ABHD2: variants seen among roughly 807,000 people sequenced by gnomAD.
The protein encoded by ABHD2 is monoacylglycerol lipase ABHD2.
ABHD2 carries 20 observed loss-of-function variants against 48.1 expected under a neutral mutation model. The observed-to-expected ratio is 0.42, with a 90% confidence interval of 0.29 to 0.60. The LOEUF is 0.60. ABHD2 is among the 20% of genes least tolerant of loss of function. The pLI, the probability that ABHD2 is intolerant of heterozygous loss-of-function variation, is 0.24. For missense variants in ABHD2, 405 were observed against 550.9 expected, an observed-to-expected ratio of 0.74 and a Z score of 2.65; for synonymous variants, 209 against 214.2, an observed-to-expected ratio of 0.98 and a Z score of 0.21.
the ABHD2 span, among the ~76,000 whole-genome samples, chr15:89,071,317 AG>A: frequency 1.1e-4 from 16 of 152,284 alleles, no homozygotes; most frequent in South Asian, 2.3e-3. Context: ...GCTACTTGGG[AG>A]GCTGAGGCAG....
intron 4 of ABHD2, among the ~76,000 whole-genome samples, chr15:89,153,791 G>A (rs778835488): frequency 1.3e-5 from 2 of 152,018 alleles, no homozygotes; most frequent in Middle Eastern, 3.4e-3. Flanking sequence ...TATTATTAAC[G>A]TTTTGTTCCA....
intron 3 of ABHD2, chr15:89,135,798 C>T: frequency 1.2e-6 from 1 of 806,164 alleles, no homozygotes; most frequent in Non-Finnish European, 2.2e-6. Flanking sequence ...TTCTTTGCAA[C>T]ATCATTAGTG....
At position 89,116,737 on chromosome 15, in the gene ABHD2, T is replaced by C. The variant is rs2049967344; in HGVS notation, c.194+216T>C. Among the ~76,000 whole-genome samples the C allele has an allele frequency of 6.6e-6, 1 of 152,222 alleles. No individual in the cohort carries two copies. The highest frequency in any genetic ancestry group is 2.4e-5 in the African/African-American group (1 of 41,452). On this transcript the variant is annotated intron_variant, in intron 3 of 10. Transcript: ENST00000352732. This position sits in a 1 kb window ranked among gnomAD's most constrained non-coding sequence, Gnocchi z 4.6. The stretch of plus-strand genomic sequence containing the variant: ...CTGTTGCCTGAAACATTCCTTCCTC[T>C]ACAGTGTGATGTCATTATCCATGAC...
At chr15:89,143,882 A>G (rs559110788) in intron 3 of ABHD2, among the ~76,000 whole-genome samples, 15 of 152,124 alleles carry the variant, frequency 9.9e-5, no homozygotes, top group African/African-American at 3.1e-4. Context: ...GACAACAGCA[A>G]CTGTTGGTGA....
the ABHD2 span, among the ~76,000 whole-genome samples, chr15:89,047,058 A>C: frequency 1.3e-5 from 2 of 149,578 alleles, no homozygotes; most frequent in Non-Finnish European, 3.0e-5. Context: ...CCCTCTACAC[A>C]CTGCTTTGAA....
the ABHD2 span, among the ~76,000 whole-genome samples, chr15:89,049,243 C>G: frequency 2.0e-5 from 3 of 152,168 alleles, no homozygotes; most frequent in African/African-American, 2.4e-5. Context: ...GCAGTCTGCC[C>G]GTTCTCAGAT....
At position 89,177,850 on chromosome 15, in the gene ABHD2, T is replaced by G. The variant is rs1403976558; in HGVS notation, c.722+1855T>G. 3.3e-5 allele frequency among the ~76,000 whole-genome samples: 5 copies of G among 152,120 alleles called. No individual in the cohort carries two copies. The highest frequency in any genetic ancestry group is 1.5e-5 in the Non-Finnish European group (1 of 68,020). On this transcript the variant is annotated intron_variant, in intron 6 of 10. Transcript: ENST00000352732. The surrounding 1 kb of genome is among the most constrained non-coding windows in gnomAD (Gnocchi z 5.6). ...CAAGGGAGCAGAACTAGGACGTTTG[T>G]TTTGTTTTCTTTTTTTTCAATGCAC...
intron 5 of ABHD2, among the ~76,000 whole-genome samples, chr15:89,157,650 T>A (rs1158389804): frequency 6.6e-6 from 1 of 152,148 alleles, no homozygotes; most frequent in Non-Finnish European, 1.5e-5. Flanking sequence ...GAGACCATCC[T>A]GGCTAACATG....
chr15:89,049,610 C>T, the ABHD2 span, among the ~76,000 whole-genome samples: 5 of 152,332 alleles, frequency 3.3e-5, no homozygotes, highest in East Asian at 1.9e-4. Flanking sequence ...TTTTTAAGCC[C>T]GTCGGAAAAG....
Position 89,185,614 on chromosome 15 carries a change from A to G in ABHD2, c.815+98A>G. ...CAGGACTCCTGTTCCTTCAGGGGAA[A>G]AAAAAAAATGCAGGTGTGGTACAGA... On this transcript the variant is annotated intron_variant, in intron 7 of 10. Transcript: ENST00000352732. The surrounding 1 kb of genome is among the most constrained non-coding windows in gnomAD (Gnocchi z 5.9). The G allele has an allele frequency of 9.5e-7, 1 of 1,049,346 alleles. No homozygotes were observed. Among genetic ancestry groups the G allele is most frequent in the South Asian group, 1.4e-5 (1 of 72,652 alleles). The allele number at this position is 1,049,346 out of a possible 1,614,324, so 65.0% of individuals were successfully genotyped here.
intron 5 of ABHD2, among the ~76,000 whole-genome samples, chr15:89,172,792 C>T (rs1443138458): frequency 6.6e-6 from 1 of 152,172 alleles, no homozygotes; most frequent in African/African-American, 2.4e-5. Flanking sequence ...GTAACTTACC[C>T]AAGGTAACGG....
In ABHD2 at chr15:89,102,902, T is replaced by C. The variant is rs1567067509; in HGVS notation, c.-106-10823T>C. 6.6e-6 allele frequency among the ~76,000 whole-genome samples: 1 copy of C among 152,230 alleles called. No homozygotes were observed. Among genetic ancestry groups the C allele is most frequent in the South Asian group, 2.1e-4 (1 of 4,838 alleles). On this transcript the variant is annotated intron_variant, in intron 1 of 10. Coordinates refer to ENST00000352732, the MANE Select transcript of ABHD2 (RefSeq NM_152924.5). The surrounding 1 kb of genome is among the most constrained non-coding windows in gnomAD (Gnocchi z 4.8). ...CTAGGGGTGGCAGGTGGGATTGCCC[T>C]TGGGCTTTAAAGAAGGCTGAGAAAA...
chr15:89,104,346 T>C lies in ABHD2; in HGVS notation c.-106-9379T>C, dbSNP rs2049748629. ...CTCCTTTGGCAAAATCATCTGGGCT[T>C]GTTCTCATCCCTGCTGAATTGGCAG... is the stretch of plus-strand genomic sequence containing the variant. On this transcript the variant is annotated intron_variant, in intron 1 of 10. Coordinates refer to ENST00000352732, the MANE Select transcript of ABHD2 (RefSeq NM_152924.5). The surrounding 1 kb of genome is among the most constrained non-coding windows in gnomAD (Gnocchi z 4.4). 6.6e-6 allele frequency: 1 copy of C among 152,234 alleles called. No individual in the cohort carries two copies. The highest frequency in any genetic ancestry group is 2.4e-5 in the African/African-American group (1 of 41,458). 9.4% of individuals were successfully genotyped at this position (152,234 alleles called of 1,614,324 possible).
chr15:89,118,330 A>G (rs1426142159), intron 3 of ABHD2, among the ~76,000 whole-genome samples: 1 of 151,966 alleles, frequency 6.6e-6, no homozygotes, highest in Non-Finnish European at 1.5e-5. Context: ...ACTACGTGCC[A>G]CCACGCCCAG....
At chr15:89,135,615 C>G (rs2050296366) in intron 3 of ABHD2, 2 of 1,546,108 alleles carry the variant, frequency 1.3e-6, no homozygotes, top group African/African-American at 1.4e-5. Context: ...CCTCCTCTTC[C>G]TTCTTTTTCT....
At chr15:89,145,507 A>G (rs1007388225) in intron 3 of ABHD2, among the ~76,000 whole-genome samples, 1 of 152,174 alleles carries the variant, frequency 6.6e-6, no homozygotes, top group Non-Finnish European at 1.5e-5. Flanking sequence ...TGGGAACATG[A>G]TGGTTTAATG....
At chr15:89,075,285 A>G in the ABHD2 span, 6 of 152,196 alleles carry the variant, frequency 3.9e-5, no homozygotes, top group African/African-American at 1.2e-4. This position sits in a 1 kb window ranked among gnomAD's most constrained non-coding sequence, Gnocchi z 4.1. Context: ...CTTTGCATCT[A>G]CATCTATTAG....
rs1311092666 is a variant in ABHD2 at position 89,184,349 on chromosome 15, T to C, written c.723-1075T>C. 1.3e-5 allele frequency among the ~76,000 whole-genome samples: 2 copies of C among 152,136 alleles called. No individual in the cohort carries two copies. Among genetic ancestry groups the C allele is most frequent in the African/African-American group, 4.8e-5 (2 of 41,430 alleles). On this transcript the variant is annotated intron_variant, in intron 6 of 10. Coordinates refer to ENST00000352732, the MANE Select transcript of ABHD2 (RefSeq NM_152924.5). The surrounding 1 kb of genome is among the most constrained non-coding windows in gnomAD (Gnocchi z 5.1). ...TAATAAAAAACAAAACAAAAAACCTTACAAACCACCTGGTCCCCTCACTTA... is the reference window on the plus strand; with the variant it reads ...TAATAAAAAACAAAACAAAAAACCTCACAAACCACCTGGTCCCCTCACTTA...
chr15:89,166,333 G>C lies in ABHD2; in HGVS notation c.539-9479G>C, dbSNP rs2050838037. On this transcript the variant is annotated intron_variant, in intron 5 of 10. Transcript: ENST00000352732. This position sits in a 1 kb window ranked among gnomAD's most constrained non-coding sequence, Gnocchi z 4.6. ...TGCTTTTTTCCTGTGAGTTTAAACA[G>C]GGAAGAAGTGGGCCCTTCCCTTATT... Among the ~76,000 whole-genome samples the C allele has an allele frequency of 6.6e-6, 1 of 152,078 alleles. No homozygotes were observed. The highest frequency in any genetic ancestry group is 6.5e-5 in the Admixed American group (1 of 15,276).
Sources: gnomAD v4.1 joint callset for allele counts (sites outside exome capture counted in the v4.1 genomes callset) on GRCh38, gnomAD v4.1.1 for gene constraint, Gnocchi (gnomAD v3.1) non-coding constraint, MANE v1.5 for transcripts, NCBI Gene and HGNC (gene_info 2026-07-23, HGNC 2026-07-21) for gene names.